ADA2: variants seen among roughly 807,000 people sequenced by gnomAD.
The protein encoded by ADA2 is adenosine deaminase CECR1.
Under a neutral mutation model 44.2 loss-of-function variants are expected in ADA2, and 29 were observed. The observed-to-expected ratio is 0.66, with a 90% CI of 0.49 to 0.89. The LOEUF (loss-of-function observed/expected upper bound fraction) is 0.89, where lower values mean the gene tolerates loss of function less well. Ranked by LOEUF, ADA2 falls within the 40% of genes least tolerant of loss-of-function variation. The pLI is 0.00. For synonymous variants in ADA2, 215 were observed against 234.9 expected (o/e 0.92, Z 0.77); for missense variants, 637 against 644.8 (o/e 0.99, Z 0.13).
chr22:17,209,808 C>A (rs2062398820), intron 1 of ADA2, 85 bp from the exon 2 acceptor site: 1 of 702,542 alleles, frequency 1.4e-6, no homozygotes, highest in Non-Finnish European at 2.3e-6. Context: ...TCTCAGATTA[C>A]CAGAAGGCAA....
At chr22:17,199,445 C>CACCCTCCCCACCTCTATCCTCT in intron 4 of ADA2, 1 of 1,123,198 alleles carries the variant, frequency 8.9e-7, no homozygotes, top group Non-Finnish European at 1.4e-6. Flanking sequence ...TCCTCTTCCC[C>CACCCTCCCCACCTCTATCCTCT]TCCACCCACG....
At chr22:17,194,101 A>G (rs1326558485) in intron 4 of ADA2, among the ~76,000 whole-genome samples, 1 of 151,852 alleles carries the variant, frequency 6.6e-6, no homozygotes, top group African/African-American at 2.4e-5. Context: ...GTTTGTTGTG[A>G]CTGGATGGGT....
intron 2 of ADA2, among the ~76,000 whole-genome samples, chr22:17,208,752 A>G (rs1400953305): frequency 6.6e-6 from 1 of 151,916 alleles, no homozygotes; most frequent in African/African-American, 2.4e-5. Context: ...GCAGTGAGCC[A>G]AGATCACACC....
At position 17,199,623 on chromosome 22, in the gene ADA2, A is replaced by G. The variant is rs780118134; in HGVS notation, c.753+3940T>C. The G allele has an allele frequency of 1.6e-5, 26 of 1,614,070 alleles. No homozygotes were observed. In the Admixed American group the frequency reaches 4.2e-4, roughly 26 times the overall value. ...AAATTGAAGCCAGATGCTCTCTGGG[A>G]TCGCCATTTGAGGTGGGCGTGGCTA... On this transcript the variant is annotated intron_variant, in intron 4 of 9. Coordinates refer to ENST00000399837, the MANE Select transcript of ADA2 (RefSeq NM_001282225.2).
At chr22:17,196,323 CAAAAA>C (rs34561761) in intron 4 of ADA2, among the ~76,000 whole-genome samples, 1 of 86,878 alleles carries the variant, frequency 1.2e-5, no homozygotes. Context: ...AACTCCATCC[CAAAAA>C]AAAAAAAAAA....
At chr22:17,196,519 C>T (rs1297878458) in intron 4 of ADA2, among the ~76,000 whole-genome samples, 1 of 152,078 alleles carries the variant, frequency 6.6e-6, no homozygotes, top group Admixed American at 6.6e-5. Flanking sequence ...TTGTCTTGGA[C>T]TCATCCAGCT....
At chr22:17,191,108 G>A (rs570134925) in intron 5 of ADA2, among the ~76,000 whole-genome samples, 14 of 152,384 alleles carry the variant, frequency 9.2e-5, no homozygotes, top group African/African-American at 3.4e-4. Flanking sequence ...GCTCTTTAAA[G>A]TGAGGGGAGG....
rs115273803 is a variant in ADA2 at position 17,188,252 on chromosome 22, A to G, written c.1081+87T>C. The stretch of plus-strand genomic sequence containing the variant: ...AGGAAAGGGCTCTGGAAACGCCTGT[A>G]GGCTCTAACCCTGAGGCATGGGCCT... On this transcript the variant is annotated intron_variant, in intron 7 of 9. Transcript: ENST00000399837. 2.8e-3 allele frequency: 2,482 copies of G among 899,124 alleles called. 16 individuals are homozygous for G. Among genetic ancestry groups the G allele is most frequent in the Middle Eastern group, 0.02 (65 of 3,266 alleles). The allele number at this position is 899,124 out of a possible 1,614,324, so 55.7% of individuals were successfully genotyped here.
At chr22:17,188,217 G>C (rs1568971723) in intron 7 of ADA2, 122 bp downstream of exon 7, 3 of 631,418 alleles carry the variant, frequency 4.8e-6, no homozygotes, top group Non-Finnish European at 8.5e-6. Flanking sequence ...GATTAAGTGA[G>C]ATAGAGCACA....
At chr22:17,193,963 C>T (rs1236842016) in intron 4 of ADA2, among the ~76,000 whole-genome samples, 1 of 149,268 alleles carries the variant, frequency 6.7e-6, no homozygotes, top group Non-Finnish European at 1.5e-5. Context: ...TCACTTGAGC[C>T]CAGGAGGTCA....
intron 4 of ADA2, 29 bp downstream of exon 4, chr22:17,203,534 G>A: frequency 6.4e-7 from 1 of 1,570,410 alleles, no homozygotes; most frequent in South Asian, 1.1e-5. Context: ...AAAGGAGGTG[G>A]GAGGAACAGA....
At position 17,187,683 on chromosome 22, in the gene ADA2, G is replaced by C. The variant is rs528549571; in HGVS notation, c.1081+656C>G. On this transcript the variant is annotated intron_variant, in intron 7 of 9. Transcript: ENST00000399837. Reference sequence around the variant, plus strand: ...GAAAAATTAAAAAAAAAAAAAAAAAGAAGAAGAAGAAGGATTCAAATTCAG... The same window carrying C: ...GAAAAATTAAAAAAAAAAAAAAAAACAAGAAGAAGAAGGATTCAAATTCAG... Among the ~76,000 whole-genome samples, 959 of 118,028 alleles carry C rather than the reference G, an allele frequency of 8.1e-3. 10 individuals are homozygous for C. The highest frequency in any genetic ancestry group is 0.033 in the African/African-American group (925 of 27,818). 77.4% of individuals were successfully genotyped at this position (118,028 alleles called of 152,430 possible).
chr22:17,197,841 C>T (rs2062212168), intron 4 of ADA2, among the ~76,000 whole-genome samples: 1 of 152,106 alleles, frequency 6.6e-6, no homozygotes, highest in African/African-American at 2.4e-5. Flanking sequence ...GAATTCGAGA[C>T]CAGCCTGACC....
chr22:17,211,141 C>T (rs1358689685), intron 1 of ADA2, among the ~76,000 whole-genome samples: 3 of 152,082 alleles, frequency 2.0e-5, no homozygotes, highest in South Asian at 2.1e-4. Flanking sequence ...GCGGGTGGAT[C>T]ACGAGGTCAG....
In ADA2 at chr22:17,207,197, G is replaced by A. The variant is rs745512086; in HGVS notation, c.416C>T (p.Thr139Ile). ...TCTGAACTGCATGATCCCCCTTGGGGTGAAACAGATGTGGCAGTGAGGCCT... is the reference window on the plus strand; with the variant it reads ...TCTGAACTGCATGATCCCCCTTGGGATGAAACAGATGTGGCAGTGAGGCCT... ...TYRPHCHICF[T>I]PRGIMQFRFA... The change falls in exon 3 of 10, where the codon ACC (threonine) becomes ATC (isoleucine). Residue 139 changes from threonine to isoleucine, a missense_variant. Physicochemically the swap from Thr to Ile is moderately conservative, Grantham distance 89. Coordinates refer to ENST00000399837, the MANE Select transcript of ADA2 (RefSeq NM_001282225.2). 1.9e-6 allele frequency: 3 copies of A among 1,614,172 alleles called. No homozygotes were observed. In the South Asian group the frequency reaches 3.3e-5, roughly 18 times the overall value.
intron 4 of ADA2, among the ~76,000 whole-genome samples, chr22:17,203,185 G>A (rs1228944721): frequency 6.6e-6 from 1 of 152,166 alleles, no homozygotes; most frequent in Non-Finnish European, 1.5e-5. Flanking sequence ...TTATGCATCT[G>A]CATGTCTCTT....
chr22:17,200,881 T>TAAAAAAAAA (rs2062273937), intron 4 of ADA2, among the ~76,000 whole-genome samples: 1 of 99,940 alleles, frequency 1.0e-5, no homozygotes, highest in African/African-American at 4.6e-5. Context: ...AAACTCTGCC[T>TAAAAAAAAA]CAAAAAAAAA....
Position 17,180,207 on chromosome 22 carries a change from GGGA to G in ADA2, c.*1273_*1275del, listed in dbSNP as rs1330036971. Reference sequence around the variant, plus strand: ...GCTGGAGGAGGCAAAGGGAAGAAAGGGGAGATCAGTGAGGAGGCTGTTGTCATA... The same window carrying G: ...GCTGGAGGAGGCAAAGGGAAGAAAGGGATCAGTGAGGAGGCTGTTGTCATA... On this transcript the variant is annotated 3_prime_UTR_variant, in exon 10 of 10. Transcript: ENST00000399837. 9 of 152,452 alleles carry G rather than the reference GGGA, an allele frequency of 5.9e-5. No individual in the cohort carries two copies. The highest frequency in any genetic ancestry group is 2.2e-4 in the African/African-American group (9 of 41,446). The allele number at this position is 152,452 out of a possible 1,614,324, so 9.4% of individuals were successfully genotyped here.
chr22:17,207,636 C>G (rs1442580905), intron 2 of ADA2, among the ~76,000 whole-genome samples: 1 of 152,030 alleles, frequency 6.6e-6, no homozygotes, highest in Admixed American at 6.6e-5. Flanking sequence ...AGAGGGGCAG[C>G]ATGGGAGAGT....
Sources: gnomAD v4.1 joint callset for allele counts (sites outside exome capture counted in the v4.1 genomes callset) on GRCh38, gnomAD v4.1.1 for gene constraint, MANE v1.5 for transcripts, NCBI Gene and HGNC (gene_info 2026-07-23, HGNC 2026-07-21) for gene names.